The following FAM184B variants were observed in gnomAD, a reference collection of about 807,000 sequenced individuals.
FAM184B encodes protein FAM184B.
FAM184B carries 111 observed loss-of-function variants against 135.9 expected under a neutral mutation model. That is an observed-to-expected ratio of 0.82 (90% confidence interval 0.70 to 0.96). The LOEUF is 0.96. Ranked by LOEUF, FAM184B falls within the 40% of genes least tolerant of loss-of-function variation. FAM184B has a pLI of 0.00. For missense variants in FAM184B, 1,375 were observed against 1,323.9 expected (o/e 1.04, Z -0.60); for synonymous variants, 552 against 524.8 (o/e 1.05, Z -0.71).
intron 5 of FAM184B, among the ~76,000 whole-genome samples, chr4:17,695,635 G>A (rs1367763624): frequency 1.3e-5 from 2 of 152,148 alleles, no homozygotes; most frequent in African/African-American, 4.8e-5. Context: ...TGGGATATAT[G>A]TGGAATGTTG....
In FAM184B at chr4:17,639,257, C is replaced by G. The variant is rs61742285; in HGVS notation, c.2659G>C (p.Glu887Gln). The change falls in exon 14 of 18, where the codon GAA becomes CAA. Residue 887 changes from glutamate (E) to glutamine (Q), a missense_variant. Physicochemically the swap from Glu to Gln is conservative, Grantham distance 29. Transcript: ENST00000265018. ...AQLQARLAAL[E>Q]AELKDSGEKP... ...GCCCGAGGCCTCACTTACTCGGCTT[C>G]CAGGGCAGCCAGCCGGGCCTGGAGC... 0.022 allele frequency: 34,810 copies of G among 1,551,624 alleles called. 500 individuals carry two copies. The highest frequency in any genetic ancestry group is 0.028 in the Non-Finnish European group (31,670 of 1,146,968).
chr4:17,750,744 C>A (rs1331438695), intron 1 of FAM184B, among the ~76,000 whole-genome samples: 1 of 152,144 alleles, frequency 6.6e-6, no homozygotes, highest in Non-Finnish European at 1.5e-5. Flanking sequence ...AAATTTTATT[C>A]TTTAGTATCT....
intron 1 of FAM184B, among the ~76,000 whole-genome samples, chr4:17,746,454 G>A (rs1319086265): frequency 6.6e-6 from 1 of 151,970 alleles, no homozygotes; most frequent in Non-Finnish European, 1.5e-5. Flanking sequence ...CCTTTGGCAG[G>A]GCGCGGTGGC....
Position 17,685,430 on chromosome 4 carries a change from T to G in FAM184B, c.1596+2994A>C, listed in dbSNP as rs188059050. 3.4e-3 allele frequency among the ~76,000 whole-genome samples: 511 copies of G among 151,694 alleles called. 2 individuals carry two copies. The highest frequency in any genetic ancestry group is 0.012 in the African/African-American group (488 of 41,316). On this transcript the variant is annotated intron_variant, in intron 7 of 17. Coordinates refer to ENST00000265018, the MANE Select transcript of FAM184B (RefSeq NM_015688.2). ...CGGGCGTGGTGGTGTGCGCCTATAG[T>G]CCCAGCTACTTGGGAGGCTGAGGCA...
At chr4:17,703,626 G>T (rs1057106703) in intron 5 of FAM184B, among the ~76,000 whole-genome samples, 2 of 151,832 alleles carry the variant, frequency 1.3e-5, no homozygotes, top group Non-Finnish European at 2.9e-5. Flanking sequence ...GAAGTATTTA[G>T]CCCTATTTTA....
Position 17,632,474 on chromosome 4 carries a change from G to A in FAM184B, c.*58C>T, listed in dbSNP as rs1230418604. The A allele has an allele frequency of 8.2e-6, 11 of 1,346,034 alleles. No homozygotes were observed. The highest frequency in any genetic ancestry group is 4.5e-5 in the Admixed American group (2 of 44,624). The allele number at this position is 1,346,034 out of a possible 1,614,324, so 83.4% of individuals were successfully genotyped here. A position where few individuals can be genotyped will look rare whatever the true frequency, so the allele number is the denominator to read the frequency against. On this transcript the variant is annotated 3_prime_UTR_variant, in exon 18 of 18. Coordinates refer to ENST00000265018, the MANE Select transcript of FAM184B (RefSeq NM_015688.2). ...TTGGTGTTAGTTCATTCCTTCAATCGGATGATTTAAAATAAATGTTTTTCA... is the reference window on the plus strand; with the variant it reads ...TTGGTGTTAGTTCATTCCTTCAATCAGATGATTTAAAATAAATGTTTTTCA...
At chr4:17,687,648 C>T (rs1716617674) in intron 7 of FAM184B, among the ~76,000 whole-genome samples, 1 of 152,066 alleles carries the variant, frequency 6.6e-6, no homozygotes, top group African/African-American at 2.4e-5. Flanking sequence ...TGTGTGAAGG[C>T]ACAAAGACTC....
chr4:17,725,894 C>T (rs776616699), intron 1 of FAM184B, among the ~76,000 whole-genome samples: 10 of 152,048 alleles, frequency 6.6e-5, no homozygotes, highest in Non-Finnish European at 1.0e-4. Context: ...GCAACCAAAT[C>T]CCATATATGT....
At chr4:17,699,207 AACTGAAACAG>A (rs1199691351) in intron 5 of FAM184B, among the ~76,000 whole-genome samples, 1 of 24,122 alleles carries the variant, frequency 4.1e-5, no homozygotes, top group Non-Finnish European at 9.2e-5. Context: ...AAATTATCCA[AACTGAAACAG>A]AGAGACAAGG....
chr4:17,741,641 C>T (rs1344424449), intron 1 of FAM184B, among the ~76,000 whole-genome samples: 3 of 152,094 alleles, frequency 2.0e-5, no homozygotes, highest in Non-Finnish European at 4.4e-5. Context: ...TGCAGTGAGC[C>T]GAGATTGCAC....
At chr4:17,670,521 C>T (rs892222051) in intron 7 of FAM184B, among the ~76,000 whole-genome samples, 2 of 152,152 alleles carry the variant, frequency 1.3e-5, no homozygotes, top group African/African-American at 2.4e-5. Context: ...ATTTCTGGGC[C>T]ACTTTATTGA....
intron 14 of FAM184B, among the ~76,000 whole-genome samples, chr4:17,639,049 G>T (rs369768453): frequency 5.9e-5 from 9 of 152,074 alleles, no homozygotes; most frequent in Non-Finnish European, 1.5e-5. Context: ...GGCCAGGCTG[G>T]TCTCCATCTC....
chr4:17,659,733 C>G (rs994681345), intron 9 of FAM184B, among the ~76,000 whole-genome samples: 1 of 151,982 alleles, frequency 6.6e-6, no homozygotes, highest in Non-Finnish European at 1.5e-5. Flanking sequence ...TGATCTGCCC[C>G]CCTCGGCCTC....
chr4:17,640,110 G>C (rs763638901), intron 13 of FAM184B, among the ~76,000 whole-genome samples: 2 of 100,642 alleles, frequency 2.0e-5, no homozygotes, highest in Admixed American at 1.2e-4. Flanking sequence ...GGGATTACAC[G>C]CGTGAGCCAC....
At chr4:17,635,544 T>C (rs1715098777) in intron 15 of FAM184B, among the ~76,000 whole-genome samples, 1 of 151,746 alleles carries the variant, frequency 6.6e-6, no homozygotes, top group Non-Finnish European at 1.5e-5. Context: ...AATAACTATA[T>C]GGCCGATCTT....
intron 1 of FAM184B, among the ~76,000 whole-genome samples, chr4:17,747,897 G>A (rs1489213528): frequency 3.7e-5 from 5 of 133,984 alleles, no homozygotes; most frequent in African/African-American, 1.4e-4. Flanking sequence ...CTCCAGCCTG[G>A]GCGACAGAGC....
intron 1 of FAM184B, among the ~76,000 whole-genome samples, chr4:17,730,195 C>T (rs189151490): frequency 5.9e-4 from 90 of 151,956 alleles, no homozygotes; most frequent in Non-Finnish European, 9.4e-4. Context: ...TGAAATGAAG[C>T]GAGAAGGGAA....
chr4:17,744,148 T>A (rs777124153), intron 1 of FAM184B, among the ~76,000 whole-genome samples: 24 of 152,162 alleles, frequency 1.6e-4, no homozygotes, highest in Admixed American at 2.6e-4. Flanking sequence ...AGGCCTTGTG[T>A]AATTAAGCCA....
At chr4:17,756,394 ATAT>A (rs1212509415) in intron 1 of FAM184B, among the ~76,000 whole-genome samples, 4 of 152,230 alleles carry the variant, frequency 2.6e-5, no homozygotes, top group African/African-American at 7.2e-5. Flanking sequence ...AACATATGAA[ATAT>A]TATGTCATTT....
Sources: gnomAD v4.1 joint callset for allele counts (sites outside exome capture counted in the v4.1 genomes callset) on GRCh38, gnomAD v4.1.1 for gene constraint, MANE v1.5 for transcripts, NCBI Gene and HGNC (gene_info 2026-07-23, HGNC 2026-07-21) for gene names.